The following RNF213 variants were observed in gnomAD, a reference collection of about 807,000 sequenced individuals.
RNF213 encodes the protein E3 ubiquitin-protein ligase RNF213.
In RNF213, 341 loss-of-function variants were observed where a neutral mutation model predicts 514.4. The observed-to-expected ratio is 0.66, with a 90% CI of 0.61 to 0.73. The LOEUF is 0.73. Among genes scored for constraint, RNF213 ranks in the 30% least tolerant of loss-of-function variants. The pLI is 0.00. For missense variants in RNF213, 5,767 were observed against 6,615.6 expected, an observed-to-expected ratio of 0.87 and a Z score of 4.45; for synonymous variants, 2,655 against 2,658.2, an observed-to-expected ratio of 1.00 and a Z score of 0.04.
Position 80,295,592 on chromosome 17 carries a change from C to G in RNF213, c.1791C>G (p.His597Gln). The G allele has an allele frequency of 1.9e-6, 3 of 1,614,160 alleles. No homozygotes were observed. The highest frequency in any genetic ancestry group is 2.5e-6 in the Non-Finnish European group (3 of 1,180,018). The change falls in exon 10 of 68, where the codon CAC (histidine) becomes CAG (glutamine). Residue 597 changes from histidine (H) to glutamine (Q), a missense_variant. By Grantham distance (24) the His-to-Gln change is conservative (BLOSUM62 0). Transcript: ENST00000582970. ...ACCTGTGGCAACATCTGAAAAAACACGTGGTACCATTGCCGGACGGAAAAA... is the reference window on the plus strand; with the variant it reads ...ACCTGTGGCAACATCTGAAAAAACAGGTGGTACCATTGCCGGACGGAAAAA... ...KRYLWQHLKK[H>Q]VVPLPDGKST...
chr17:80,278,400 C>T (rs1290733403), intron 3 of RNF213, among the ~76,000 whole-genome samples: 1 of 152,240 alleles, frequency 6.6e-6, no homozygotes, highest in African/African-American at 2.4e-5. Context: ...TGCATCTGTG[C>T]TCTGAGCACA....
At position 80,334,771 on chromosome 17, in the gene RNF213, C is replaced by T. The variant is rs558431262; in HGVS notation, c.4309+501C>T. On this transcript the variant is annotated intron_variant, in intron 22 of 67. Transcript: ENST00000582970. ...CCTCCCGAGTAGCTGGGACTACAGG[C>T]GACCGCCACCACGCCCGGCTAATTT... 4.4e-4 allele frequency among the ~76,000 whole-genome samples: 67 copies of T among 151,954 alleles called. 1 individual carries two copies. The highest frequency in any genetic ancestry group is 7.2e-4 in the Non-Finnish European group (49 of 67,988).
intron 59 of RNF213, among the ~76,000 whole-genome samples, chr17:80,384,439 A>C (rs1295708456): frequency 6.6e-6 from 1 of 152,132 alleles, no homozygotes; most frequent in Non-Finnish European, 1.5e-5. Flanking sequence ...CCTAACTTTC[A>C]CCCATTTGCA....
At chr17:80,318,895 C>A (rs2046041661) in intron 16 of RNF213, among the ~76,000 whole-genome samples, 1 of 152,162 alleles carries the variant, frequency 6.6e-6, no homozygotes, top group East Asian at 1.9e-4. Context: ...TTAAATGGAT[C>A]TTTAAAGGGA....
Position 80,313,147 on chromosome 17 carries a change from A to C in RNF213, c.2791A>C (p.Thr931Pro). The change falls in exon 15 of 68, where the codon ACA becomes CCA. Residue 931 changes from threonine (T) to proline (P), a missense_variant. By Grantham distance (38) the Thr-to-Pro change is conservative. This residue lies in a region of RNF213 where 592 missense variants were observed against 673.9 expected (regional missense o/e 0.88). Transcript: ENST00000582970. ...GCTCACATCTTCAGGTGCCTCATTC[A>C]CATACGTCAAGGAAATTGAGGTAGG... ...NMLTSSGASFTYVKEIEVWRR... is the reference protein window; with the variant it reads ...NMLTSSGASFPYVKEIEVWRR... 2 of 1,614,126 alleles carry C rather than the reference A, an allele frequency of 1.2e-6. No individual in the cohort carries two copies. Among genetic ancestry groups the C allele is most frequent in the Non-Finnish European group, 1.7e-6 (2 of 1,180,038 alleles).
At position 80,380,907 on chromosome 17, in the gene RNF213, G is replaced by A; in HGVS notation, c.13717G>A (p.Gly4573Arg). Residue 4573 changes from glycine (G) to arginine (R), a missense_variant, in exon 56 of 68, where the codon GGG becomes AGG. Transcript: ENST00000582970. Reference protein sequence around the residue: ...QRRDVVTCDRGLPPVVFLLIR... With the variant: ...QRRDVVTCDRRLPPVVFLLIR... ...GAGAGACGTGGTGACATGTGACCGA[G>A]GGCTGCCCCCAGTGGTCTTCCTCCT... 1.2e-6 allele frequency: 2 copies of A among 1,614,166 alleles called. No individual in the cohort carries two copies. Among genetic ancestry groups the A allele is most frequent in the Non-Finnish European group, 1.7e-6 (2 of 1,180,036 alleles).
intron 67 of RNF213, among the ~76,000 whole-genome samples, chr17:80,391,642 C>T (rs113445262): frequency 4.5e-4 from 69 of 151,958 alleles, no homozygotes; most frequent in African/African-American, 1.5e-3. Context: ...CCGTGTGCCA[C>T]AGTGCTCTAT....
intron 38 of RNF213, 95 bp from the exon 39 acceptor site, chr17:80,361,639 C>G: frequency 1.4e-6 from 2 of 1,380,696 alleles, no homozygotes; most frequent in South Asian, 1.2e-5. Flanking sequence ...TTCAACAAGG[C>G]GTCCCCATTC....
intron 13 of RNF213, 63 bp downstream of exon 13, chr17:80,307,264 C>T (rs2045396566): frequency 1.4e-6 from 2 of 1,453,816 alleles, no homozygotes; most frequent in Admixed American, 3.4e-5. Context: ...TCCTCTGACC[C>T]CTATAATTGG....
At chr17:80,369,989 C>T (rs773563807) in intron 46 of RNF213, 122 bp downstream of exon 46, 41 of 753,148 alleles carry the variant, frequency 5.4e-5, no homozygotes, top group South Asian at 2.8e-4. Flanking sequence ...GGAGCTTTTT[C>T]GGTGAGACAC....
At chr17:80,356,923 G>GTTTTTTTTTT (rs35344484) in intron 36 of RNF213, among the ~76,000 whole-genome samples, 1 of 145,766 alleles carries the variant, frequency 6.9e-6, no homozygotes, top group Non-Finnish European at 1.5e-5. Flanking sequence ...ACCTTGTGGG[G>GTTTTTTTTTT]TTTTTTTTTT....
At chr17:80,367,229 T>C (rs1322991746) in intron 42 of RNF213, among the ~76,000 whole-genome samples, 1 of 152,186 alleles carries the variant, frequency 6.6e-6, no homozygotes, top group African/African-American at 2.4e-5. Context: ...CTTACAGCTA[T>C]CCTAAAAGCA....
chr17:80,315,384 GTGA>G (rs1305424585), intron 15 of RNF213, among the ~76,000 whole-genome samples: 56 of 3,016 alleles, frequency 0.019, 8 homozygotes, highest in Non-Finnish European at 0.024. Flanking sequence ...GGTAATGGAG[GTGA>G]TGGTGGTGGT....
chr17:80,360,031 C>A, intron 37 of RNF213, 30 bp from the exon 38 acceptor site: 1 of 1,612,922 alleles, frequency 6.2e-7, no homozygotes, highest in Non-Finnish European at 8.5e-7. Context: ...CTCACAAACC[C>A]TCTTCTTATC....
chr17:80,346,054 G>C lies in RNF213; in HGVS notation c.7719G>C (p.Pro2573=). 3 of 1,614,144 alleles carry C rather than the reference G, an allele frequency of 1.9e-6. No individual in the cohort carries two copies. Among genetic ancestry groups the C allele is most frequent in the Non-Finnish European group, 1.7e-6 (2 of 1,180,034 alleles). The change falls in exon 29 of 68, where the codon CCG becomes CCC. Residue 2573 remains proline, a synonymous_variant. Coordinates refer to ENST00000582970, the MANE Select transcript of RNF213 (RefSeq NM_001256071.3). The surrounding 1 kb of genome is among the most constrained non-coding windows in gnomAD (Gnocchi z 8.1). ...TATACCGGGTCCATGCTCTGCCCCCGAGCCTGATTCCTCTGGTGTGGGACT... is the reference window on the plus strand; with the variant it reads ...TATACCGGGTCCATGCTCTGCCCCCCAGCCTGATTCCTCTGGTGTGGGACT... The part of the protein sequence containing the change: ...QLVYRVHALP[P]SLIPLVWDFG...
intron 5 of RNF213, 97 bp from the exon 6 acceptor site, chr17:80,289,562 C>T: frequency 7.3e-7 from 1 of 1,364,560 alleles, no homozygotes; most frequent in East Asian, 2.3e-5. Context: ...TGCACTCCAG[C>T]CTTGGTAATA....
chr17:80,392,981 T>C (rs1199494271), intron 67 of RNF213, among the ~76,000 whole-genome samples: 1 of 148,090 alleles, frequency 6.8e-6, no homozygotes, highest in Non-Finnish European at 1.5e-5. Context: ...TTATGTTATA[T>C]GGGAGCCTTT....
rs2044911013 is a variant in RNF213, at chr17:80,295,632, C to T, written c.1831C>T (p.Pro611Ser). The change falls in exon 10 of 68, where the codon CCT becomes TCT. Residue 611 changes from proline (P) to serine (S), a missense_variant. Physicochemically the swap from Pro to Ser is moderately conservative, Grantham distance 74 (BLOSUM62 -1). Coordinates refer to ENST00000582970, the MANE Select transcript of RNF213 (RefSeq NM_001256071.3). ...LPDGKSTDFLPVDCPVRSKLK... is the reference protein window; with the variant it reads ...LPDGKSTDFLSVDCPVRSKLK... ...GGACGGAAAAAGCACGGACTTTTTG[C>T]CTGTGGACTGCCCAGTGAGGAGTAA... 1.2e-6 allele frequency: 2 copies of T among 1,614,004 alleles called. No homozygotes were observed. The highest frequency in any genetic ancestry group is 1.7e-6 in the Non-Finnish European group (2 of 1,179,954).
chr17:80,336,077 C>G, intron 22 of RNF213, 84 bp from the exon 23 acceptor site: 1 of 1,110,924 alleles, frequency 9.0e-7, no homozygotes, highest in South Asian at 1.5e-5. Context: ...TCCATTTCAG[C>G]TTCAGTAAGG....
Sources: gnomAD v4.1 joint callset for allele counts (sites outside exome capture counted in the v4.1 genomes callset) on GRCh38, gnomAD v4.1.1 for gene constraint, gnomAD v4.1.1 regional missense constraint, Gnocchi (gnomAD v3.1) non-coding constraint, MANE v1.5 for transcripts, NCBI Gene and HGNC (gene_info 2026-07-23, HGNC 2026-07-21) for gene names.